CENPU: variants seen among roughly 807,000 people sequenced by gnomAD.
CENPU encodes KSHV latent nuclear antigen interacting protein 1.
A neutral mutation model predicts 56.7 loss-of-function variants in CENPU; 46 were observed. That is an observed-to-expected ratio of 0.81 (90% CI 0.64 to 1.04). The LOEUF (loss-of-function observed/expected upper bound fraction) is 1.04. Ranked by LOEUF, CENPU falls within the 50% of genes least tolerant of loss-of-function variation. The pLI is 0.00. For synonymous variants in CENPU, 166 were observed against 163.0 expected (o/e 1.02, Z -0.14); for missense variants, 510 against 490.1 (o/e 1.04, Z -0.38).
intron 8 of CENPU, among the ~76,000 whole-genome samples, chr4:184,706,900 T>TGAA (rs1561132097): frequency 9.6e-5 from 14 of 145,500 alleles, no homozygotes; most frequent in African/African-American, 3.9e-4. Flanking sequence ...CCTGTGTCCT[T>TGAA]ACTACCCACT....
At chr4:184,730,032 G>A (rs995140047) in intron 2 of CENPU, among the ~76,000 whole-genome samples, 1 of 152,198 alleles carries the variant, frequency 6.6e-6, no homozygotes, top group Non-Finnish European at 1.5e-5. Context: ...GGAATGTGGA[G>A]AGAGCTGGCA....
intron 8 of CENPU, among the ~76,000 whole-genome samples, chr4:184,707,280 C>T (rs1166514113): frequency 6.6e-6 from 1 of 150,894 alleles, no homozygotes; most frequent in African/African-American, 2.5e-5. Context: ...GGCGCTGTGG[C>T]CAGGGCAGGA....
chr4:184,695,782 A>G (rs1412783096), intron 12 of CENPU, among the ~76,000 whole-genome samples: 1 of 152,170 alleles, frequency 6.6e-6, no homozygotes, highest in African/African-American at 2.4e-5. Flanking sequence ...AAAACACAGA[A>G]AACTGTAAGA....
intron 1 of CENPU, chr4:184,733,454 C>G: frequency 1.0e-6 from 1 of 984,990 alleles, no homozygotes; most frequent in Non-Finnish European, 1.2e-6. Context: ...AATCAGCGAC[C>G]AGCATTCTAG....
intron 8 of CENPU, among the ~76,000 whole-genome samples, chr4:184,706,382 G>T (rs1760729617): frequency 6.6e-6 from 1 of 152,224 alleles, no homozygotes; most frequent in South Asian, 2.1e-4. Context: ...AAACTGGTCA[G>T]GCCTCTCTGC....
chr4:184,716,246 A>AT, intron 6 of CENPU, 151 bp downstream of exon 6: 1 of 646,104 alleles, frequency 1.5e-6, no homozygotes, highest in South Asian at 2.0e-5. Flanking sequence ...TACCATCTAG[A>AT]TTTTCTAAAA....
At chr4:184,731,881 C>CTGTGTG (rs1491100516) in intron 1 of CENPU, among the ~76,000 whole-genome samples, 2 of 25,578 alleles carry the variant, frequency 7.8e-5, no homozygotes, top group South Asian at 2.2e-3. Context: ...TACTCATGTG[C>CTGTGTG]TCTGTGTGTG....
At chr4:184,718,981 T>C (rs1204328067) in intron 4 of CENPU, among the ~76,000 whole-genome samples, 1 of 151,970 alleles carries the variant, frequency 6.6e-6, no homozygotes, top group Non-Finnish European at 1.5e-5. Context: ...CACAGGTAGT[T>C]AAAACCATGA....
At position 184,710,169 on chromosome 4, in the gene CENPU, TGTCAGAAGTATCTAAAATATTAAGATAA is replaced by T. The variant is rs1760873267; in HGVS notation, c.689-17_699del. 6.2e-7 allele frequency: 1 copy of T among 1,600,304 alleles called. No individual in the cohort carries two copies. Among genetic ancestry groups the T allele is most frequent in the East Asian group, 2.2e-5 (1 of 44,632 alleles). On this transcript the variant is annotated splice_acceptor_variant and splice_polypyrimidine_tract_variant and coding_sequence_variant and intron_variant, in exon 8 of 13. Coordinates refer to ENST00000281453, the MANE Select transcript of CENPU (RefSeq NM_024629.4). LOFTEE classifies it high-confidence loss of function. ...CCTTCTGGACACCAAATGTGCACAA[TGTCAGAAGTATCTAAAATATTAAGATAA>T]GTTAACATGCTGGTTATTCATATTT...
chr4:184,699,695 C>CT, intron 11 of CENPU: 1 of 1,082,314 alleles, frequency 9.2e-7, no homozygotes, highest in Non-Finnish European at 1.2e-6. Flanking sequence ...CAGTTTCACT[C>CT]TGTCACCCAG....
At chr4:184,700,481 C>T (rs749526129) in intron 11 of CENPU, among the ~76,000 whole-genome samples, 3 of 152,142 alleles carry the variant, frequency 2.0e-5, no homozygotes, top group Non-Finnish European at 4.4e-5. Flanking sequence ...GTCAATGTTG[C>T]GCAGCCAGTA....
chr4:184,702,634 T>C (rs67380800), intron 8 of CENPU, among the ~76,000 whole-genome samples, 193 bp from the exon 9 acceptor site: 26,000 of 152,128 alleles, frequency 0.17, 2,439 homozygotes, highest in African/African-American at 0.24. Flanking sequence ...GCATACTGCA[T>C]GACACTGACG....
chr4:184,719,766 A>C (rs1431966397), intron 4 of CENPU, among the ~76,000 whole-genome samples: 1 of 152,198 alleles, frequency 6.6e-6, no homozygotes, highest in Non-Finnish European at 1.5e-5. Flanking sequence ...GAGAGGGAAG[A>C]GTGGAGAGGA....
chr4:184,723,695 T>C (rs1410978339), intron 4 of CENPU, among the ~76,000 whole-genome samples: 3 of 151,156 alleles, frequency 2.0e-5, no homozygotes, highest in African/African-American at 7.3e-5. Context: ...ATACAAAAAT[T>C]AGCTGGACAT....
chr4:184,705,817 T>A (rs1318141291), intron 8 of CENPU, among the ~76,000 whole-genome samples: 1 of 152,196 alleles, frequency 6.6e-6, no homozygotes, highest in Non-Finnish European at 1.5e-5. Flanking sequence ...ATCACACAGA[T>A]GAGCCTTGAG....
chr4:184,730,883 A>G, intron 2 of CENPU, 37 bp downstream of exon 2: 2 of 1,532,684 alleles, frequency 1.3e-6, no homozygotes, highest in Non-Finnish European at 1.8e-6. Context: ...TTGTACTGTC[A>G]ATTTTGAGAA....
chr4:184,712,232 T>C (rs573943114), intron 7 of CENPU, among the ~76,000 whole-genome samples: 59 of 151,488 alleles, frequency 3.9e-4, no homozygotes, highest in South Asian at 2.9e-3. Flanking sequence ...AATCACACAA[T>C]GGAATAAGCT....
chr4:184,716,684 T>C (rs1761105512), intron 5 of CENPU, 51 bp from the exon 6 acceptor site: 3 of 1,336,030 alleles, frequency 2.2e-6, no homozygotes, highest in Non-Finnish European at 3.2e-6. Flanking sequence ...GAAATGCTTA[T>C]AATTCTTACT....
intron 4 of CENPU, among the ~76,000 whole-genome samples, chr4:184,719,036 G>A (rs933465031): frequency 7.9e-5 from 12 of 152,106 alleles, no homozygotes; most frequent in Admixed American, 7.9e-4. Context: ...GGAGAAGAGG[G>A]GGCTGACAGC....
Sources: allele counts gnomAD v4.1 joint callset (sites outside exome capture counted in the v4.1 genomes callset), GRCh38; gene constraint gnomAD v4.1.1; transcripts MANE v1.5; gene names NCBI Gene and HGNC (gene_info 2026-07-23, HGNC 2026-07-21).